DCPS: variants seen among roughly 807,000 people sequenced by gnomAD.
The protein encoded by DCPS is m7GpppX diphosphatase.
Under a neutral mutation model 34.7 loss-of-function variants are expected in DCPS, and 27 were observed. The ratio of observed to expected loss-of-function variants is 0.78; its 90% CI spans 0.57 to 1.07. The LOEUF (loss-of-function observed/expected upper bound fraction) is 1.07, where lower values mean the gene tolerates loss of function less well. Among genes scored for constraint, DCPS ranks in the 50% least tolerant of loss-of-function variants. DCPS has a pLI of 0.00. For synonymous variants in DCPS, 185 were observed against 185.7 expected, an observed-to-expected ratio of 1.00 and a Z score of 0.03; for missense variants, 464 against 436.9, an observed-to-expected ratio of 1.06 and a Z score of -0.55.
rs930696931 is a variant in DCPS at position 126,319,031 on chromosome 11, T to C, written c.376+12287T>C. Among the ~76,000 whole-genome samples, 1 of 152,058 alleles carries C rather than the reference T, an allele frequency of 6.6e-6. No homozygotes were observed. Among genetic ancestry groups the C allele is most frequent in the Non-Finnish European group, 1.5e-5 (1 of 67,992 alleles). ...CTAGACGGGGGACAAAGGGTGGCTT[T>C]ATATATTAGGGAAGGGCTTGCAGCA... On this transcript the variant is annotated intron_variant, in intron 2 of 5. Coordinates refer to ENST00000263579, the MANE Select transcript of DCPS (RefSeq NM_014026.6). This position sits in a 1 kb window ranked among gnomAD's most constrained non-coding sequence, Gnocchi z 4.5.
In DCPS at chr11:126,342,753, G is replaced by C. The variant is rs531966660; in HGVS notation, c.637-554G>C. ...CCCTTGCTCTTTCTTGAACCTCCTG[G>C]CTCCCTGCCCCGACAGCTCTGGGGA... On this transcript the variant is annotated intron_variant, in intron 4 of 5. Transcript: ENST00000263579. The surrounding 1 kb of genome is among the most constrained non-coding windows in gnomAD (Gnocchi z 4.4). Among the ~76,000 whole-genome samples the C allele has an allele frequency of 6.6e-6, 1 of 152,128 alleles. No individual in the cohort carries two copies. Among genetic ancestry groups the C allele is most frequent in the South Asian group, 2.1e-4 (1 of 4,802 alleles).
rs1303621162 is a variant in DCPS, at chr11:126,348,240, G to A, written c.*2627G>A. Among the ~76,000 whole-genome samples, 1 of 152,278 alleles carries A rather than the reference G, an allele frequency of 6.6e-6. No individual in the cohort carries two copies. Among genetic ancestry groups the A allele is most frequent in the East Asian group, 1.9e-4 (1 of 5,180 alleles). On this transcript the variant is annotated 3_prime_UTR_variant, in exon 6 of 6. Coordinates refer to ENST00000263579, the MANE Select transcript of DCPS (RefSeq NM_014026.6). The surrounding 1 kb of genome is among the most constrained non-coding windows in gnomAD (Gnocchi z 5.3). ...CTCTGGAAGGTTTCTCGACTCCCCC[G>A]AGGGGCTGGCCAGTTCTGTCTTCCT... is the stretch of plus-strand genomic sequence containing the variant.
chr11:126,313,672 A>G lies in DCPS; in HGVS notation c.376+6928A>G, dbSNP rs1951635311. Among the ~76,000 whole-genome samples, 1 of 152,196 alleles carries G rather than the reference A, an allele frequency of 6.6e-6. No individual in the cohort carries two copies. Among genetic ancestry groups the G allele is most frequent in the South Asian group, 2.1e-4 (1 of 4,834 alleles). On this transcript the variant is annotated intron_variant, in intron 2 of 5. Coordinates refer to ENST00000263579, the MANE Select transcript of DCPS (RefSeq NM_014026.6). The surrounding 1 kb of genome is among the most constrained non-coding windows in gnomAD (Gnocchi z 4.9). ...TGCATACATGTGTAATAAGACTATG[A>G]GGACAAAAAGGAAATGATTAACCCC...
chr11:126,330,707 ATATATATATATATTTTTTTTT>A (rs1565377180), intron 2 of DCPS, among the ~76,000 whole-genome samples: 4 of 31,480 alleles, frequency 1.3e-4, no homozygotes, highest in African/African-American at 3.8e-4. Context: ...ATATATATAT[ATATATATATATATTTTTTTTT>A]TTTTTTTTTT....
Position 126,315,166 on chromosome 11 carries a change from A to T in DCPS, c.376+8422A>T, listed in dbSNP as rs1421072031. Among the ~76,000 whole-genome samples the T allele has an allele frequency of 1.3e-5, 2 of 152,080 alleles. No individual in the cohort carries two copies. Among genetic ancestry groups the T allele is most frequent in the Non-Finnish European group, 2.9e-5 (2 of 68,032 alleles). ...AGGTATTATGCTTATTACCTGGGTG[A>T]TGAAATAGTCTCTATGCCAAACCCC... On this transcript the variant is annotated intron_variant, in intron 2 of 5. Coordinates refer to ENST00000263579, the MANE Select transcript of DCPS (RefSeq NM_014026.6). The surrounding 1 kb of genome is among the most constrained non-coding windows in gnomAD (Gnocchi z 6.1).
chr11:126,329,231 T>C lies in DCPS; in HGVS notation c.377-2174T>C, dbSNP rs1250214078. On this transcript the variant is annotated intron_variant, in intron 2 of 5. Transcript: ENST00000263579. The surrounding 1 kb of genome is among the most constrained non-coding windows in gnomAD (Gnocchi z 5.0). Reference sequence around the variant, plus strand: ...TGAGAAGCAAGAAAGAGTCTTTTGCTGCTCCTCAGAGAGTTGTGAGGAGGC... The same window carrying C: ...TGAGAAGCAAGAAAGAGTCTTTTGCCGCTCCTCAGAGAGTTGTGAGGAGGC... Among the ~76,000 whole-genome samples, 2 of 152,226 alleles carry C rather than the reference T, an allele frequency of 1.3e-5. No homozygotes were observed. Among genetic ancestry groups the C allele is most frequent in the East Asian group, 3.8e-4 (2 of 5,200 alleles).
chr11:126,326,356 G>C, intron 2 of DCPS, among the ~76,000 whole-genome samples: 1 of 152,162 alleles, frequency 6.6e-6, no homozygotes, highest in East Asian at 1.9e-4. Flanking sequence ...GCCAGTGTGG[G>C]TCCCGGCCCT....
chr11:126,307,993 C>T (rs145479513), intron 2 of DCPS, among the ~76,000 whole-genome samples: 1 of 152,300 alleles, frequency 6.6e-6, no homozygotes, highest in Non-Finnish European at 1.5e-5. Context: ...AAAAATCAGT[C>T]ACTTCCCTGA....
intron 2 of DCPS, among the ~76,000 whole-genome samples, chr11:126,318,004 G>A (rs1951675706): frequency 1.3e-5 from 2 of 152,124 alleles, no homozygotes; most frequent in Non-Finnish European, 2.9e-5. Context: ...TTTGCTTGTG[G>A]GCCAGGAGAC....
rs11220456 is a variant in DCPS, at chr11:126,344,313, G to A, written c.747+896G>A. ...TGCTCACCCACGGCACCACCCCTTG[G>A]CTGCCTTTATCTTTGTGGGGTGACT... On this transcript the variant is annotated intron_variant, in intron 5 of 5. Transcript: ENST00000263579. The surrounding 1 kb of genome is among the most constrained non-coding windows in gnomAD (Gnocchi z 8.1). Among the ~76,000 whole-genome samples the A allele has an allele frequency of 0.018, 2,797 of 152,262 alleles. 41 individuals carry two copies. The highest frequency in any genetic ancestry group is 0.043 in the African/African-American group (1,788 of 41,542).
At chr11:126,324,067 G>A (rs1951724783) in intron 2 of DCPS, among the ~76,000 whole-genome samples, 1 of 152,132 alleles carries the variant, frequency 6.6e-6, no homozygotes, top group African/African-American at 2.4e-5. Flanking sequence ...TCTGACCTCA[G>A]GTGATCCGTC....
In DCPS at chr11:126,325,039, G is replaced by A. The variant is rs187396091; in HGVS notation, c.377-6366G>A. 2.3e-3 allele frequency among the ~76,000 whole-genome samples: 350 copies of A among 152,018 alleles called. No individual in the cohort carries two copies. Among genetic ancestry groups the A allele is most frequent in the Admixed American group, 6.0e-3 (91 of 15,266 alleles). On this transcript the variant is annotated intron_variant, in intron 2 of 5. Coordinates refer to ENST00000263579, the MANE Select transcript of DCPS (RefSeq NM_014026.6). The surrounding 1 kb of genome is among the most constrained non-coding windows in gnomAD (Gnocchi z 4.3). ...CTCTACTAAAAATACAAAAATTAGC[G>A]GGGCATGGTGGTGGGCACCTGTAAT...
At chr11:126,341,983 C>T (rs1951879148) in intron 4 of DCPS, 1 of 152,258 alleles carries the variant, frequency 6.6e-6, no homozygotes, top group African/African-American at 2.4e-5. Context: ...TAGAAAAGCC[C>T]ATCCTGAATT....
In DCPS at chr11:126,348,399, A is replaced by G. The variant is rs1004462154; in HGVS notation, c.*2786A>G. On this transcript the variant is annotated 3_prime_UTR_variant, in exon 6 of 6. Coordinates refer to ENST00000263579, the MANE Select transcript of DCPS (RefSeq NM_014026.6). The surrounding 1 kb of genome is among the most constrained non-coding windows in gnomAD (Gnocchi z 5.3). ...ACCACTTAACTTTTCTTGTACATGGAAAGACAAGCCTCTGCTAGAGGCCTG... is the reference window on the plus strand; with the variant it reads ...ACCACTTAACTTTTCTTGTACATGGGAAGACAAGCCTCTGCTAGAGGCCTG... Among the ~76,000 whole-genome samples, 10 of 152,164 alleles carry G rather than the reference A, an allele frequency of 6.6e-5. No individual in the cohort carries two copies. Among genetic ancestry groups the G allele is most frequent in the Non-Finnish European group, 1.3e-4 (9 of 68,020 alleles).
At position 126,338,495 on chromosome 11, in the gene DCPS, A is replaced by C; in HGVS notation, c.636+96A>C. ...CTCTTTCTCACGCTGGCCTGTCTCTAAGCAGATTATAATTAACCAACAAGG... is the reference window on the plus strand; with the variant it reads ...CTCTTTCTCACGCTGGCCTGTCTCTCAGCAGATTATAATTAACCAACAAGG... On this transcript the variant is annotated intron_variant, in intron 4 of 5. Transcript: ENST00000263579. This position sits in a 1 kb window ranked among gnomAD's most constrained non-coding sequence, Gnocchi z 5.4. The C allele has an allele frequency of 2.6e-6, 3 of 1,138,896 alleles. No homozygotes were observed. Among genetic ancestry groups the C allele is most frequent in the Admixed American group, 1.9e-5 (1 of 53,804 alleles). 70.5% of individuals were successfully genotyped at this position (1,138,896 alleles called of 1,614,324 possible). A position where few individuals can be genotyped will look rare whatever the true frequency, so the allele number is the denominator to read the frequency against.
At position 126,345,729 on chromosome 11, in the gene DCPS, T is replaced by C; in HGVS notation, c.*116T>C. On this transcript the variant is annotated 3_prime_UTR_variant, in exon 6 of 6. Transcript: ENST00000263579. The surrounding 1 kb of genome is among the most constrained non-coding windows in gnomAD (Gnocchi z 7.4). The stretch of plus-strand genomic sequence containing the variant: ...ATTTTATACCGGCTTATTCCTAGTA[T>C]TGAATAAACTAGCGGGCTCACTCAG... The C allele has an allele frequency of 6.9e-7, 1 of 1,453,616 alleles. No individual in the cohort carries two copies. Among genetic ancestry groups the C allele is most frequent in the Non-Finnish European group, 9.2e-7 (1 of 1,084,254 alleles). 90.0% of individuals were successfully genotyped at this position (1,453,616 alleles called of 1,614,324 possible).
Position 126,323,191 on chromosome 11 carries a change from A to T in DCPS, c.377-8214A>T, listed in dbSNP as rs779653096. Among the ~76,000 whole-genome samples the T allele has an allele frequency of 2.0e-5, 3 of 152,228 alleles. No individual in the cohort carries two copies. Among genetic ancestry groups the T allele is most frequent in the Non-Finnish European group, 4.4e-5 (3 of 68,038 alleles). On this transcript the variant is annotated intron_variant, in intron 2 of 5. Coordinates refer to ENST00000263579, the MANE Select transcript of DCPS (RefSeq NM_014026.6). The surrounding 1 kb of genome is among the most constrained non-coding windows in gnomAD (Gnocchi z 4.4). ...TTTCAGATGTTTCAAGTCTCAAAATATATCTTGCTTGCACCATGTCTCTGG... is the reference window on the plus strand; with the variant it reads ...TTTCAGATGTTTCAAGTCTCAAAATTTATCTTGCTTGCACCATGTCTCTGG...
At chr11:126,307,535 C>A (rs71475951) in intron 2 of DCPS, among the ~76,000 whole-genome samples, 1 of 151,686 alleles carries the variant, frequency 6.6e-6, no homozygotes. Flanking sequence ...CTCAGCCTCC[C>A]GAGCAGCTGG....
intron 1 of DCPS, among the ~76,000 whole-genome samples, chr11:126,305,825 G>T (rs924514793): frequency 1.3e-5 from 2 of 152,158 alleles, no homozygotes; most frequent in Admixed American, 6.5e-5. Flanking sequence ...GCTGTCTTCA[G>T]TGTGCAGCAC....
Sources: gnomAD v4.1 joint callset for allele counts (sites outside exome capture counted in the v4.1 genomes callset) on GRCh38, gnomAD v4.1.1 for gene constraint, Gnocchi (gnomAD v3.1) non-coding constraint, MANE v1.5 for transcripts, NCBI Gene and HGNC (gene_info 2026-07-23, HGNC 2026-07-21) for gene names.